Variants in AAAS observed in about 807,000 individuals in gnomAD.
The protein encoded by AAAS is aladin.
In AAAS, 60 loss-of-function variants were observed where a neutral mutation model predicts 75.6. The ratio of observed to expected loss-of-function variants is 0.79; its 90% CI spans 0.64 to 0.98. The LOEUF (loss-of-function observed/expected upper bound fraction) is 0.98. AAAS is among the 50% of genes least tolerant of loss of function. The pLI, the probability that AAAS is intolerant of heterozygous loss-of-function variation, is 0.00. For missense variants in AAAS, 658 were observed against 686.9 expected, an observed-to-expected ratio of 0.96 and a Z score of 0.47; for synonymous variants, 271 against 265.0, an observed-to-expected ratio of 1.02 and a Z score of -0.22.
chr12:53,309,478 C>G (rs1944352213), intron 8 of AAAS, 123 bp downstream of exon 8: 1 of 1,565,722 alleles, frequency 6.4e-7, no homozygotes, highest in Non-Finnish European at 8.7e-7. Flanking sequence ...AAGCTCCTCT[C>G]TGGGTAAGTT....
Position 53,321,429 on chromosome 12 carries a change from G to A in AAAS, c.37C>T (p.Arg13Trp). 3.1e-6 allele frequency: 5 copies of A among 1,614,216 alleles called. No homozygotes were observed. Among genetic ancestry groups the A allele is most frequent in the South Asian group, 1.1e-5 (1 of 91,092 alleles). ...SLGLFPPPPP[R>W]GQVTLYEHNN... ...TGCTCATATAGGGTGACTTGACCCC[G>A]AGGCGGTGGAGGAGGGAACAACCCC... Residue 13 changes from arginine to tryptophan, a missense_variant, in exon 1 of 16, where the codon CGG becomes TGG. By Grantham distance (101) the Arg-to-Trp change is moderately radical. Transcript: ENST00000209873.
intron 3 of AAAS, 122 bp from the exon 4 acceptor site, chr12:53,315,548 A>G: frequency 8.4e-7 from 1 of 1,183,538 alleles, no homozygotes; most frequent in Middle Eastern, 2.6e-4. Context: ...AAGTGCTCTC[A>G]ACACCACACT....
At chr12:53,312,680 C>T (rs1475118357) in intron 7 of AAAS, among the ~76,000 whole-genome samples, 1 of 151,570 alleles carries the variant, frequency 6.6e-6, no homozygotes, top group African/African-American at 2.4e-5. Flanking sequence ...TATCTTTCCA[C>T]TTCTGAAAAT....
At chr12:53,309,887 C>T (rs1318669555) in intron 7 of AAAS, 166 bp from the exon 8 acceptor site, 5 of 1,135,694 alleles carry the variant, frequency 4.4e-6, no homozygotes, top group African/African-American at 1.6e-5. Flanking sequence ...AAGAAAAAAA[C>T]AGCGAAGGGG....
intron 11 of AAAS, 65 bp downstream of exon 11, chr12:53,308,660 C>T (rs1385872590): frequency 2.5e-6 from 4 of 1,601,162 alleles, no homozygotes; most frequent in Non-Finnish European, 2.6e-6. Flanking sequence ...CTCAGAGCTG[C>T]ATCTTACCAA....
intron 2 of AAAS, among the ~76,000 whole-genome samples, chr12:53,317,511 C>T (rs1307652014): frequency 9.3e-5 from 14 of 151,174 alleles, no homozygotes; most frequent in African/African-American, 3.4e-4. Context: ...GAGCCGAGAT[C>T]GTGCCACTGC....
intron 2 of AAAS, among the ~76,000 whole-genome samples, chr12:53,317,450 G>A (rs535365549): frequency 1.7e-4 from 26 of 151,966 alleles, no homozygotes; most frequent in Middle Eastern, 3.4e-3. Flanking sequence ...CCAGCTACTC[G>A]GGAGGCTGAG....
Position 53,321,540 on chromosome 12 carries a change from G to A in AAAS, c.-75C>T. ...GCACAGACCGCACTCCCGCAACTCG[G>A]TTCCCGGGCTAGATTCGTATGCGGA... On this transcript the variant is annotated 5_prime_UTR_variant, in exon 1 of 16. Transcript: ENST00000209873. 6 of 1,608,394 alleles carry A rather than the reference G, an allele frequency of 3.7e-6. No individual in the cohort carries two copies. The highest frequency in any genetic ancestry group is 5.1e-6 in the Non-Finnish European group (6 of 1,179,286).
chr12:53,316,351 G>A (rs1268246680), intron 2 of AAAS, among the ~76,000 whole-genome samples: 5 of 151,980 alleles, frequency 3.3e-5, no homozygotes, highest in Admixed American at 6.6e-5. Flanking sequence ...TCAGGAGGCT[G>A]AGGCAGGGCA....
At position 53,320,604 on chromosome 12, in the gene AAAS, TG is replaced by T. The variant is rs765577880; in HGVS notation, c.211del (p.His71IlefsTer23). 4.1e-5 allele frequency: 66 copies of T among 1,613,994 alleles called. No homozygotes were observed. The highest frequency in any genetic ancestry group is 5.3e-5 in the Non-Finnish European group (62 of 1,180,022). ...LDHGTRTAFIHHREQVWKRCI... is the reference protein window; with the variant it reads ...LDHGTRTAFIXHREQVWKRCI... The stretch of plus-strand genomic sequence containing the variant: ...TCTCTTCCACACTTGCTCCCGGTGA[TG>T]GATGAAGGCAGTTCTTGTGCCATGG... On this transcript the variant is annotated frameshift_variant, in exon 2 of 16. Transcript: ENST00000209873. LOFTEE classifies it high-confidence loss of function.
intron 2 of AAAS, among the ~76,000 whole-genome samples, chr12:53,319,602 C>T (rs1944519467): frequency 6.8e-6 from 1 of 147,700 alleles, no homozygotes; most frequent in Non-Finnish European, 1.5e-5. Flanking sequence ...GTCAGGAGGC[C>T]AGACCACCCT....
At chr12:53,312,864 T>TA (rs1565780133) in intron 7 of AAAS, among the ~76,000 whole-genome samples, 101 of 9,328 alleles carry the variant, frequency 0.011, no homozygotes, top group African/African-American at 0.014. Flanking sequence ...ATATATATAT[T>TA]TTTTTTTTTT....
intron 7 of AAAS, among the ~76,000 whole-genome samples, chr12:53,313,781 A>C (rs1024510863): frequency 7.3e-6 from 1 of 136,698 alleles, no homozygotes; most frequent in Non-Finnish European, 1.6e-5. Context: ...GCTAATTTTC[A>C]TATTTTTAGT....
chr12:53,316,895 C>A (rs570331497), intron 2 of AAAS, among the ~76,000 whole-genome samples: 5 of 146,744 alleles, frequency 3.4e-5, no homozygotes, highest in East Asian at 2.1e-4. Context: ...GCCTAGGCAA[C>A]ATAGGGAAAT....
Position 53,314,354 on chromosome 12 carries a change from C to G in AAAS, c.633G>C (p.Val211=). The change falls in exon 7 of 16, where the codon GTG becomes GTC. Residue 211 remains valine (V), a synonymous_variant. Coordinates refer to ENST00000209873, the MANE Select transcript of AAAS (RefSeq NM_015665.6). ...AGATAAGAATGCAGCTCTGGCAGGCCACAGCCAAGACAGAGGCACTAAGGG... is the reference window on the plus strand; with the variant it reads ...AGATAAGAATGCAGCTCTGGCAGGCGACAGCCAAGACAGAGGCACTAAGGG... ...WKPLSASVLA[V]ACQSCILIWT... The G allele has an allele frequency of 6.2e-7, 1 of 1,614,158 alleles. No homozygotes were observed. The highest frequency in any genetic ancestry group is 8.5e-7 in the Non-Finnish European group (1 of 1,180,022).
At position 53,314,812 on chromosome 12, in the gene AAAS, G is replaced by C. The variant is rs1944438900; in HGVS notation, c.484C>G (p.His162Asp). ...AGGGCCACTGCAAACTTGTTGGTGT[G>C]GGGGTGCCATGCAAAGACACGCAAG... Reference protein sequence around the residue: ...CCLRVFAWHPHTNKFAVALLD... With the variant: ...CCLRVFAWHPDTNKFAVALLD... Residue 162 changes from histidine (H) to aspartate (D), a missense_variant, in exon 6 of 16, where the codon CAC (histidine) becomes GAC (aspartate). Coordinates refer to ENST00000209873, the MANE Select transcript of AAAS (RefSeq NM_015665.6). 1.6e-5 allele frequency: 26 copies of C among 1,613,916 alleles called. No homozygotes were observed. Among genetic ancestry groups the C allele is most frequent in the Non-Finnish European group, 2.2e-5 (26 of 1,179,966 alleles).
At chr12:53,317,426 G>T (rs1944480813) in intron 2 of AAAS, among the ~76,000 whole-genome samples, 1 of 151,328 alleles carries the variant, frequency 6.6e-6, no homozygotes, top group Admixed American at 6.6e-5. Flanking sequence ...GTGTGGTGGT[G>T]GGCGCCTGTA....
At chr12:53,315,700 G>T in intron 3 of AAAS, 27 bp downstream of exon 3, 1 of 1,611,988 alleles carries the variant, frequency 6.2e-7, no homozygotes, top group East Asian at 2.2e-5. Flanking sequence ...CACAAAACTA[G>T]GGAAGGCTGG....
At chr12:53,318,225 TGTGTGTGTGTGTGTGTGTGC>T (rs1461383351) in intron 2 of AAAS, among the ~76,000 whole-genome samples, 8 of 125,670 alleles carry the variant, frequency 6.4e-5, no homozygotes, top group Non-Finnish European at 9.7e-5. Flanking sequence ...GGGGTTTCAG[TGTGTGTGTGTGTGTGTGTGC>T]GTGTGTGTGT....
Sources: gnomAD v4.1 joint callset for allele counts (sites outside exome capture counted in the v4.1 genomes callset) on GRCh38, gnomAD v4.1.1 for gene constraint, MANE v1.5 for transcripts, NCBI Gene and HGNC (gene_info 2026-07-23, HGNC 2026-07-21) for gene names.